Variants in PARP8 observed in about 807,000 individuals in gnomAD.
PARP8 encodes the protein poly(ADP-ribose) polymerase family member 8, also known as protein mono-ADP-ribosyltransferase PARP8.
In PARP8, 51 loss-of-function variants were observed where a neutral mutation model predicts 124.1. The ratio of observed to expected loss-of-function variants is 0.41; its 90% CI spans 0.33 to 0.52. PARP8 has a LOEUF of 0.52. Ranked by LOEUF, PARP8 falls within the 20% of genes least tolerant of loss-of-function variation. The pLI is 0.21. For missense variants in PARP8, 860 were observed against 1,018.9 expected (o/e 0.84, Z 2.12); for synonymous variants, 391 against 361.5 (o/e 1.08, Z -0.93).
chr5:50,735,956 TC>T (rs374675045), intron 2 of PARP8, among the ~76,000 whole-genome samples: 6,775 of 134,076 alleles, frequency 0.051, 438 homozygotes, highest in African/African-American at 0.15. Flanking sequence ...TCTAGGGGAT[TC>T]CCCCCCCCCC....
At chr5:50,738,863 G>A in intron 2 of PARP8, 1 of 638,922 alleles carries the variant, frequency 1.6e-6, no homozygotes, top group South Asian at 1.7e-5. Flanking sequence ...AAAAAGGATA[G>A]TTATTTGTTC....
intron 14 of PARP8, among the ~76,000 whole-genome samples, chr5:50,802,208 A>G (rs1743304118): frequency 1.3e-5 from 2 of 152,118 alleles, no homozygotes; most frequent in Admixed American, 1.3e-4. Context: ...CTAGTGTACC[A>G]TTTTAATTCC....
intron 2 of PARP8, chr5:50,744,875 CT>C: frequency 1.5e-6 from 1 of 670,214 alleles, no homozygotes; most frequent in Non-Finnish European, 2.7e-6. Flanking sequence ...ACAATATTTT[CT>C]GCCTGCTACA....
Position 50,794,961 on chromosome 5 carries a change from CA to C in PARP8, c.973del (p.Thr325GlnfsTer30). ...AGCTGCTGCGGAGGACTTGTTCCAG[CA>C]CAGTCAAGACTGATGATGTGTGTGT... ...HKLLRRTCSS[T>X]VKTDDVCVTK... is the part of the protein sequence containing the mutation. On this transcript the variant is annotated frameshift_variant, in exon 12 of 26. Coordinates refer to ENST00000281631, the MANE Select transcript of PARP8 (RefSeq NM_024615.4). LOFTEE classifies it high-confidence loss of function. The C allele has an allele frequency of 6.2e-7, 1 of 1,614,202 alleles. No homozygotes were observed. Among genetic ancestry groups the C allele is most frequent in the Non-Finnish European group, 8.5e-7 (1 of 1,180,038 alleles).
chr5:50,817,463 T>A (rs1269491523), intron 15 of PARP8, among the ~76,000 whole-genome samples: 1 of 152,208 alleles, frequency 6.6e-6, no homozygotes, highest in Admixed American at 6.5e-5. Flanking sequence ...CACCTCAGGA[T>A]CTCATTGCCT....
At chr5:50,829,647 T>G (rs1216314768) in intron 21 of PARP8, among the ~76,000 whole-genome samples, 2 of 152,180 alleles carry the variant, frequency 1.3e-5, no homozygotes, top group East Asian at 3.8e-4. Flanking sequence ...CTAGTGTACT[T>G]TATAATAAAT....
At chr5:50,687,755 A>G (rs1272198781) in intron 2 of PARP8, among the ~76,000 whole-genome samples, 3 of 152,154 alleles carry the variant, frequency 2.0e-5, no homozygotes, top group Non-Finnish European at 4.4e-5. Context: ...TATAATAACT[A>G]TCAGATCTCT....
intron 18 of PARP8, among the ~76,000 whole-genome samples, chr5:50,826,243 T>C (rs545739276): frequency 1.2e-4 from 18 of 152,186 alleles, no homozygotes; most frequent in Non-Finnish European, 2.6e-4. Context: ...TTCAATTTAA[T>C]TTTTTTCAAC....
intron 2 of PARP8, among the ~76,000 whole-genome samples, chr5:50,686,536 C>T (rs539259006): frequency 1.1e-3 from 169 of 152,310 alleles, no homozygotes; most frequent in Admixed American, 3.5e-3. Context: ...CTCCACTACG[C>T]GGTGCCCCAG....
intron 2 of PARP8, among the ~76,000 whole-genome samples, chr5:50,675,928 T>A (rs1263733932): frequency 6.6e-6 from 1 of 152,234 alleles, no homozygotes; most frequent in African/African-American, 2.4e-5. Context: ...ATAGTAAATA[T>A]TTCTAGTTTC....
chr5:50,702,987 C>T (rs1268303448), intron 2 of PARP8, among the ~76,000 whole-genome samples: 2 of 152,028 alleles, frequency 1.3e-5, no homozygotes, highest in Admixed American at 6.6e-5. Context: ...TACAAACAAA[C>T]CAGATAATTA....
At chr5:50,728,785 A>G (rs1307690444) in intron 2 of PARP8, among the ~76,000 whole-genome samples, 2 of 152,138 alleles carry the variant, frequency 1.3e-5, no homozygotes, top group African/African-American at 4.8e-5. Context: ...AAAATGTTGC[A>G]TAATGTATAA....
intron 10 of PARP8, 63 bp downstream of exon 10, chr5:50,788,652 C>A: frequency 7.3e-7 from 1 of 1,375,194 alleles, no homozygotes; most frequent in Non-Finnish European, 1.0e-6. Context: ...TCATTTTGTT[C>A]ATTAAAACAA....
chr5:50,816,952 C>A (rs1425270331), intron 15 of PARP8, among the ~76,000 whole-genome samples: 1 of 151,956 alleles, frequency 6.6e-6, no homozygotes, highest in Non-Finnish European at 1.5e-5. Context: ...ATAATTAAAA[C>A]CTTACAAGGG....
At chr5:50,772,326 T>C (rs1580285006) in intron 7 of PARP8, among the ~76,000 whole-genome samples, 5 of 152,350 alleles carry the variant, frequency 3.3e-5, no homozygotes, top group Middle Eastern at 6.8e-3. Context: ...GGCACAGATA[T>C]CTCTTGGACA....
intron 16 of PARP8, among the ~76,000 whole-genome samples, chr5:50,821,586 T>C (rs968257864): frequency 5.3e-5 from 8 of 152,134 alleles, no homozygotes; most frequent in African/African-American, 1.7e-4. Context: ...CAACCCTCCT[T>C]TCCTCTTTCC....
chr5:50,740,138 C>A (rs532613559), intron 2 of PARP8, among the ~76,000 whole-genome samples: 1 of 152,192 alleles, frequency 6.6e-6, no homozygotes, highest in East Asian at 1.9e-4. Flanking sequence ...GCTGGAAATA[C>A]AATGGGAAGA....
intron 16 of PARP8, among the ~76,000 whole-genome samples, chr5:50,821,589 C>G (rs1325962593): frequency 6.6e-6 from 1 of 152,166 alleles, no homozygotes. Context: ...CCCTCCTTTC[C>G]TCTTTCCCTT....
chr5:50,775,292 C>T (rs1739861099), intron 7 of PARP8, among the ~76,000 whole-genome samples: 1 of 152,186 alleles, frequency 6.6e-6, no homozygotes, highest in Non-Finnish European at 1.5e-5. Flanking sequence ...AGTGAGACTC[C>T]ATCTGCAATC....
Sources: gnomAD v4.1 joint callset for allele counts (sites outside exome capture counted in the v4.1 genomes callset) on GRCh38, gnomAD v4.1.1 for gene constraint, MANE v1.5 for transcripts, NCBI Gene and HGNC (gene_info 2026-07-23, HGNC 2026-07-21) for gene names.